RAD23B: variants seen among roughly 807,000 people sequenced by gnomAD.
RAD23B encodes the protein RAD23 nucleotide excision repair protein B.
In RAD23B, 5 loss-of-function variants were observed where a neutral mutation model predicts 49.1. The observed-to-expected ratio is 0.10, with a 90% CI of 0.05 to 0.21. The LOEUF is 0.21. RAD23B is among the 10% of genes least tolerant of loss of function. The probability of loss-of-function intolerance (pLI) is 1.00; values close to 1 mark genes in which losing one functional copy is unlikely to be tolerated. For missense variants in RAD23B, 356 were observed against 486.7 expected (o/e 0.73, Z 2.53); for synonymous variants, 184 against 165.4 (o/e 1.11, Z -0.86).
At chr9:107,324,317 G>A (rs557517924) in intron 8 of RAD23B, among the ~76,000 whole-genome samples, 1 of 152,306 alleles carries the variant, frequency 6.6e-6, no homozygotes, top group East Asian at 1.9e-4. Flanking sequence ...CTGTTTAACA[G>A]AGAAACTGCC....
chr9:107,310,754 G>A (rs1056749657), intron 4 of RAD23B, among the ~76,000 whole-genome samples: 1 of 152,090 alleles, frequency 6.6e-6, no homozygotes, highest in African/African-American at 2.4e-5. Context: ...ACTTTGCTAA[G>A]CACTGTACTA....
intron 1 of RAD23B, chr9:107,284,016 T>G: frequency 9.3e-7 from 1 of 1,072,628 alleles, no homozygotes; most frequent in Non-Finnish European, 1.1e-6. Context: ...CCAGGCCGTC[T>G]CAGCCGTAGA....
At chr9:107,300,036 T>C in intron 1 of RAD23B, 105 bp from the exon 2 acceptor site, 1 of 1,355,002 alleles carries the variant, frequency 7.4e-7, no homozygotes, top group Non-Finnish European at 9.9e-7. Context: ...TTTGGAAACA[T>C]TAATAATTAT....
Position 107,283,605 on chromosome 9 carries a change from G to A in RAD23B, c.-25G>A, listed in dbSNP as rs1833202555. On this transcript the variant is annotated 5_prime_UTR_variant, in exon 1 of 10. Coordinates refer to ENST00000358015, the MANE Select transcript of RAD23B (RefSeq NM_002874.5). ...AGCGGCCAGCACCCGGCGCAGGCCC[G>A]GCAGCCGAGCTGCGCGGCGGCACCA... is the stretch of plus-strand genomic sequence containing the variant. 6.8e-7 allele frequency: 1 copy of A among 1,468,578 alleles called. No individual in the cohort carries two copies. The highest frequency in any genetic ancestry group is 1.3e-5 in the South Asian group (1 of 76,890). The allele number at this position is 1,468,578 out of a possible 1,614,324, so 91.0% of individuals were successfully genotyped here. A position where few individuals can be genotyped will look rare whatever the true frequency, so the allele number is the denominator to read the frequency against.
intron 1 of RAD23B, among the ~76,000 whole-genome samples, chr9:107,299,893 T>C (rs1826611922): frequency 6.6e-6 from 1 of 152,214 alleles, no homozygotes; most frequent in African/African-American, 2.4e-5. Context: ...TTTTAAATTA[T>C]CAGTTCAACT....
At chr9:107,302,174 T>C in intron 3 of RAD23B, 60 bp downstream of exon 3, 1 of 1,603,044 alleles carries the variant, frequency 6.2e-7, no homozygotes, top group Non-Finnish European at 8.5e-7. Flanking sequence ...AAAATGATGA[T>C]CACAAGTCCA....
chr9:107,302,803 A>C (rs561334666), intron 3 of RAD23B, among the ~76,000 whole-genome samples: 92 of 151,790 alleles, frequency 6.1e-4, no homozygotes, highest in Non-Finnish European at 9.0e-4. Flanking sequence ...CTACAGGCGC[A>C]TGCCACCACG....
intron 1 of RAD23B, among the ~76,000 whole-genome samples, chr9:107,286,825 C>A (rs930076798): frequency 2.0e-5 from 3 of 152,112 alleles, no homozygotes; most frequent in Non-Finnish European, 4.4e-5. Context: ...GTAATCCCAG[C>A]ACTTTGGGAG....
chr9:107,309,106 G>C (rs1461112233), intron 4 of RAD23B, among the ~76,000 whole-genome samples: 1 of 152,214 alleles, frequency 6.6e-6, no homozygotes, highest in Non-Finnish European at 1.5e-5. Context: ...TTTATTCGTA[G>C]TAGAGAACAG....
chr9:107,295,211 T>G (rs1461803902), intron 1 of RAD23B, among the ~76,000 whole-genome samples: 1 of 151,974 alleles, frequency 6.6e-6, no homozygotes, highest in Admixed American at 6.6e-5. Context: ...AGGACAGTGG[T>G]GTGTATTTAA....
chr9:107,322,094 A>G lies in RAD23B; in HGVS notation c.793A>G (p.Thr265Ala), dbSNP rs747959796. The G allele has an allele frequency of 8.7e-6, 14 of 1,608,718 alleles. No individual in the cohort carries two copies. The highest frequency in any genetic ancestry group is 3.4e-5 in the Admixed American group (2 of 58,850). ...VAAAAATTTATTTTTSSGGHP... is the reference protein window; with the variant it reads ...VAAAAATTTAATTTTSSGGHP... Reference sequence around the variant, plus strand: ...TGCAGCTGCAGCAACTACGACAGCAACAACTACAACAACAAGTTCTGGAGG... The same window carrying G: ...TGCAGCTGCAGCAACTACGACAGCAGCAACTACAACAACAAGTTCTGGAGG... Residue 265 changes from threonine to alanine, a missense_variant, in exon 7 of 10, where the codon ACA (threonine) becomes GCA (alanine). By Grantham distance (58) the Thr-to-Ala change is moderately conservative. This residue lies in a region of RAD23B where 148 missense variants were observed against 231.7 expected (regional missense o/e 0.64). Coordinates refer to ENST00000358015, the MANE Select transcript of RAD23B (RefSeq NM_002874.5).
In RAD23B at chr9:107,330,415, C is replaced by T. The variant is rs1327037943; in HGVS notation, c.*759C>T. On this transcript the variant is annotated 3_prime_UTR_variant, in exon 10 of 10. Coordinates refer to ENST00000358015, the MANE Select transcript of RAD23B (RefSeq NM_002874.5). The surrounding 1 kb of genome is among the most constrained non-coding windows in gnomAD (Gnocchi z 4.4). Reference sequence around the variant, plus strand: ...GTAGGTGTCTAATTACTGTTTACTTCATTGTTATATTGCAGTAAAAGTTTT... The same window carrying T: ...GTAGGTGTCTAATTACTGTTTACTTTATTGTTATATTGCAGTAAAAGTTTT... 1.3e-5 allele frequency: 2 copies of T among 152,026 alleles called. No homozygotes were observed. The highest frequency in any genetic ancestry group is 2.9e-5 in the Non-Finnish European group (2 of 67,914). 9.4% of individuals were successfully genotyped at this position (152,026 alleles called of 1,614,324 possible).
intron 1 of RAD23B, 125 bp downstream of exon 1, chr9:107,283,820 C>G: frequency 1.0e-6 from 1 of 979,266 alleles, no homozygotes; most frequent in Non-Finnish European, 1.3e-6. Context: ...GGCCCTGGGT[C>G]CTGGTGCCGG....
At chr9:107,305,207 A>G (rs549563950) in intron 3 of RAD23B, among the ~76,000 whole-genome samples, 50 of 152,104 alleles carry the variant, frequency 3.3e-4, no homozygotes, top group South Asian at 1.0e-3. Context: ...GGGCGGGGGC[A>G]GTGGCTGAGG....
At chr9:107,314,555 ACAC>A (rs1452462669) in intron 5 of RAD23B, among the ~76,000 whole-genome samples, 1 of 152,222 alleles carries the variant, frequency 6.6e-6, no homozygotes, top group Non-Finnish European at 1.5e-5. Flanking sequence ...TTACACACAC[ACAC>A]CACATTTTCT....
chr9:107,295,766 G>A (rs533823395), intron 1 of RAD23B, among the ~76,000 whole-genome samples: 1 of 152,308 alleles, frequency 6.6e-6, no homozygotes, highest in African/African-American at 2.4e-5. Flanking sequence ...GTTGAGATTT[G>A]TTAGCTAAGC....
intron 5 of RAD23B, among the ~76,000 whole-genome samples, chr9:107,316,164 C>T (rs1587859996): frequency 6.6e-6 from 1 of 152,212 alleles, no homozygotes; most frequent in African/African-American, 2.4e-5. Context: ...CACGTGCCAC[C>T]ATGCCCAGCT....
intron 1 of RAD23B, among the ~76,000 whole-genome samples, chr9:107,296,777 C>T (rs1471930231): frequency 2.0e-5 from 3 of 151,950 alleles, no homozygotes; most frequent in African/African-American, 4.8e-5. Flanking sequence ...TCAAATGATC[C>T]GCCCACTTCG....
intron 5 of RAD23B, among the ~76,000 whole-genome samples, chr9:107,313,951 T>C (rs777582424): frequency 3.3e-5 from 5 of 151,966 alleles, no homozygotes; most frequent in Non-Finnish European, 7.4e-5. Context: ...CCTTCCTTCC[T>C]CCTTCCCTTT....
Sources: allele counts gnomAD v4.1 joint callset (sites outside exome capture counted in the v4.1 genomes callset), GRCh38; gene constraint gnomAD v4.1.1; regional missense constraint gnomAD v4.1.1; non-coding constraint Gnocchi (gnomAD v3.1); transcripts MANE v1.5; gene names NCBI Gene and HGNC (gene_info 2026-07-23, HGNC 2026-07-21).